Variants in GALNT10 observed in about 807,000 individuals in gnomAD.
The protein encoded by GALNT10 is GalNAc transferase 10.
In GALNT10, 41 loss-of-function variants were observed where a neutral mutation model predicts 75.0. The observed-to-expected ratio is 0.55, with a 90% CI of 0.43 to 0.71. The LOEUF (loss-of-function observed/expected upper bound fraction) is 0.71, where lower values mean the gene tolerates loss of function less well. Among genes scored for constraint, GALNT10 ranks in the 30% least tolerant of loss-of-function variants. GALNT10 has a pLI of 0.00. For missense variants in GALNT10, 727 were observed against 818.5 expected, an observed-to-expected ratio of 0.89 and a Z score of 1.36; for synonymous variants, 302 against 313.0, an observed-to-expected ratio of 0.96 and a Z score of 0.37.
intron 1 of GALNT10, among the ~76,000 whole-genome samples, chr5:154,265,904 T>TAAA (rs10651176): frequency 1.5e-4 from 23 of 149,578 alleles, no homozygotes; most frequent in African/African-American, 2.7e-4. Context: ...TCAATCTCAT[T>TAAA]AAAAAAAAAA....
chr5:154,351,310 T>C (rs1755201389), intron 4 of GALNT10, among the ~76,000 whole-genome samples: 1 of 152,078 alleles, frequency 6.6e-6, no homozygotes, highest in African/African-American at 2.4e-5. Flanking sequence ...GCAGCTGACC[T>C]GAGGGCCTGC....
chr5:154,377,532 C>T (rs1755672138), intron 5 of GALNT10, among the ~76,000 whole-genome samples: 1 of 152,216 alleles, frequency 6.6e-6, no homozygotes, highest in Non-Finnish European at 1.5e-5. Context: ...GGGGTGGAGC[C>T]TCACAAGTTG....
intron 1 of GALNT10, among the ~76,000 whole-genome samples, chr5:154,274,962 C>T (rs1453069557): frequency 6.6e-6 from 1 of 152,186 alleles, no homozygotes; most frequent in Non-Finnish European, 1.5e-5. Context: ...CCCTTCACAA[C>T]ATACATAAGC....
chr5:154,199,666 G>A (rs561330545), intron 1 of GALNT10, among the ~76,000 whole-genome samples: 1 of 152,332 alleles, frequency 6.6e-6, no homozygotes, highest in South Asian at 2.1e-4. Context: ...GGGCAAGGAT[G>A]AGGTAGGTGC....
At chr5:154,195,112 C>A (rs914957607) in intron 1 of GALNT10, among the ~76,000 whole-genome samples, 1 of 152,190 alleles carries the variant, frequency 6.6e-6, no homozygotes, top group Non-Finnish European at 1.5e-5. Context: ...AAAGCAAAAG[C>A]CCATTTAAAA....
chr5:154,352,692 G>C lies in GALNT10; in HGVS notation c.568+22954G>C, dbSNP rs1296009513. On this transcript the variant is annotated intron_variant, in intron 4 of 11. Transcript: ENST00000297107. The surrounding 1 kb of genome is among the most constrained non-coding windows in gnomAD (Gnocchi z 4.4). ...GGCCTTGGACCTGTCCCTGTCCTGT[G>C]CCATTTTTGAAAATTTTGTCAGCTG... 1.3e-5 allele frequency among the ~76,000 whole-genome samples: 2 copies of C among 152,148 alleles called. No homozygotes were observed. The highest frequency in any genetic ancestry group is 6.5e-5 in the Admixed American group (1 of 15,278).
rs150788897 is a variant in GALNT10, at chr5:154,212,371, G to A, written c.159+21346G>A. Among the ~76,000 whole-genome samples, 406 of 152,288 alleles carry A rather than the reference G, an allele frequency of 2.7e-3. 2 individuals carry two copies. Among genetic ancestry groups the A allele is most frequent in the Non-Finnish European group, 4.4e-3 (298 of 68,022 alleles). On this transcript the variant is annotated intron_variant, in intron 1 of 11. Transcript: ENST00000297107. Reference sequence around the variant, plus strand: ...ACATTTCTACCATGACAGGCACTGCGCCAGGCAGGACTGCCTTGTAGCACA... The same window carrying A: ...ACATTTCTACCATGACAGGCACTGCACCAGGCAGGACTGCCTTGTAGCACA...
chr5:154,238,291 A>C (rs1753278750), intron 1 of GALNT10, among the ~76,000 whole-genome samples: 1 of 115,554 alleles, frequency 8.7e-6, no homozygotes, highest in Admixed American at 9.8e-5. Flanking sequence ...TAAAGTTTTA[A>C]ATGTTAAAAA....
chr5:154,315,013 A>G (rs1754576245), intron 3 of GALNT10, among the ~76,000 whole-genome samples: 1 of 152,078 alleles, frequency 6.6e-6, no homozygotes, highest in African/African-American at 2.4e-5. Flanking sequence ...GAACAACAAC[A>G]GTGTGTCCTA....
intron 8 of GALNT10, among the ~76,000 whole-genome samples, chr5:154,404,658 A>G (rs554280000): frequency 4.6e-5 from 7 of 152,362 alleles, no homozygotes; most frequent in African/African-American, 1.7e-4. Flanking sequence ...CTTAGCATAC[A>G]GCTAAAGTAG....
chr5:154,353,498 G>A (rs1755242354), intron 4 of GALNT10, among the ~76,000 whole-genome samples: 1 of 152,218 alleles, frequency 6.6e-6, no homozygotes, highest in African/African-American at 2.4e-5. Context: ...GGGAAGGAAT[G>A]AGCAACGTCC....
intron 4 of GALNT10, 42 bp downstream of exon 4, chr5:154,329,780 TCTGGCGACTCAC>T (rs1296442096): frequency 6.8e-7 from 1 of 1,467,838 alleles, no homozygotes; most frequent in Non-Finnish European, 9.5e-7. Context: ...CTGTGCTTCA[TCTGGCGACTCAC>T]CAAAGGGATG....
chr5:154,407,644 G>A (rs1756308322), intron 8 of GALNT10, among the ~76,000 whole-genome samples: 1 of 152,196 alleles, frequency 6.6e-6, no homozygotes. Context: ...AGAGCCTGGT[G>A]GACATACTGG....
intron 1 of GALNT10, among the ~76,000 whole-genome samples, chr5:154,249,630 C>G (rs1753484263): frequency 6.6e-6 from 1 of 152,088 alleles, no homozygotes; most frequent in Non-Finnish European, 1.5e-5. Flanking sequence ...GTCCTATATA[C>G]CAACTGTGGT....
intron 6 of GALNT10, among the ~76,000 whole-genome samples, chr5:154,384,325 A>T (rs987410157): frequency 6.6e-6 from 1 of 152,222 alleles, no homozygotes; most frequent in African/African-American, 2.4e-5. Context: ...AATATAATAC[A>T]AGCTGCATAT....
At chr5:154,362,439 C>G (rs1363333714) in intron 4 of GALNT10, among the ~76,000 whole-genome samples, 7 of 152,122 alleles carry the variant, frequency 4.6e-5, no homozygotes, top group Admixed American at 4.6e-4. Flanking sequence ...GTAAAAATTG[C>G]TCACTGCTAG....
chr5:154,332,227 CT>C (rs926703870), intron 4 of GALNT10, among the ~76,000 whole-genome samples: 1 of 152,220 alleles, frequency 6.6e-6, no homozygotes, highest in African/African-American at 2.4e-5. Context: ...CCTCCACCAC[CT>C]GGGGACAAAC....
At chr5:154,252,479 C>T (rs1483001305) in intron 1 of GALNT10, among the ~76,000 whole-genome samples, 6 of 152,042 alleles carry the variant, frequency 3.9e-5, no homozygotes, top group South Asian at 2.1e-4. Flanking sequence ...TCTTTCCTTG[C>T]GTATCTTGTT....
In GALNT10 at chr5:154,413,648, G is replaced by A. The variant is rs557873970; in HGVS notation, c.1503+643G>A. On this transcript the variant is annotated intron_variant, in intron 10 of 11. Transcript: ENST00000297107. The stretch of plus-strand genomic sequence containing the variant: ...AAGAGCCACTGCTCAGACAATAGTG[G>A]GCTCATGCCTGCAATCCCAACAGTG... Among the ~76,000 whole-genome samples, 3 of 152,300 alleles carry A rather than the reference G, an allele frequency of 2.0e-5. No individual in the cohort carries two copies. The South Asian group carries it at 6.2e-4, about 32-fold the overall frequency.
Sources: allele counts gnomAD v4.1 joint callset (sites outside exome capture counted in the v4.1 genomes callset), GRCh38; gene constraint gnomAD v4.1.1; non-coding constraint Gnocchi (gnomAD v3.1); transcripts MANE v1.5; gene names NCBI Gene and HGNC (gene_info 2026-07-23, HGNC 2026-07-21).